Variants in UBE2D3 observed in about 807,000 individuals in gnomAD.
The protein encoded by UBE2D3 is ubiquitin-conjugating enzyme E2 D3.
A neutral mutation model predicts 22.8 loss-of-function variants in UBE2D3; 2 were observed. That is an observed-to-expected ratio of 0.09 (90% confidence interval 0.04 to 0.28). UBE2D3 has a LOEUF of 0.28. Among genes scored for constraint, UBE2D3 ranks in the 10% least tolerant of loss-of-function variants. The probability of loss-of-function intolerance (pLI) is 1.00; values close to 1 mark genes in which losing one functional copy is unlikely to be tolerated. For synonymous variants in UBE2D3, 56 were observed against 60.4 expected (o/e 0.93, Z 0.34); for missense variants, 27 against 182.5 (o/e 0.15, Z 4.91).
intron 1 of UBE2D3, among the ~76,000 whole-genome samples, chr4:102,866,045 T>C (rs1030716945): frequency 6.6e-6 from 1 of 152,226 alleles, no homozygotes; most frequent in African/African-American, 2.4e-5. Context: ...AAGGCAGGGT[T>C]GTGGAAATGA....
chr4:102,822,747 A>C (rs1729814184), intron 2 of UBE2D3, among the ~76,000 whole-genome samples: 1 of 152,250 alleles, frequency 6.6e-6, no homozygotes, highest in Non-Finnish European at 1.5e-5. Context: ...CATCCTGGTT[A>C]ACACGGTGAA....
upstream of UBE2D3, among the ~76,000 whole-genome samples, chr4:102,829,226 T>C (rs774953394): frequency 2.0e-5 from 3 of 152,142 alleles, no homozygotes; most frequent in African/African-American, 4.8e-5. Context: ...TCCCAGGTGA[T>C]ACAGATTTTT....
intron 1 of UBE2D3, among the ~76,000 whole-genome samples, chr4:102,850,926 T>G (rs1732309255): frequency 6.8e-6 from 1 of 146,812 alleles, no homozygotes; most frequent in Non-Finnish European, 1.5e-5. Context: ...CTTGGGAACT[T>G]TGTTGGGGGC....
At chr4:102,817,428 T>A (rs1366542397) in intron 2 of UBE2D3, among the ~76,000 whole-genome samples, 1 of 152,144 alleles carries the variant, frequency 6.6e-6, no homozygotes. Context: ...TGTTTTACAG[T>A]TGAGTCCCTT....
chr4:102,836,551 G>C (rs1731418308), intron 1 of UBE2D3, among the ~76,000 whole-genome samples: 1 of 152,150 alleles, frequency 6.6e-6, no homozygotes. Flanking sequence ...GCTTAGGAGT[G>C]GAATAGCTAG....
intron 1 of UBE2D3, among the ~76,000 whole-genome samples, chr4:102,860,859 G>C (rs558601772): frequency 6.6e-6 from 1 of 151,830 alleles, no homozygotes; most frequent in Non-Finnish European, 1.5e-5. Context: ...GGGTGTGCTT[G>C]TCAGTTGAGG....
chr4:102,836,448 C>T (rs1304207750), intron 1 of UBE2D3, among the ~76,000 whole-genome samples: 1 of 152,096 alleles, frequency 6.6e-6, no homozygotes, highest in Non-Finnish European at 1.5e-5. Context: ...CGCCTAGCCT[C>T]TTCCAATTTT....
intron 2 of UBE2D3, among the ~76,000 whole-genome samples, chr4:102,824,347 G>T (rs1476242345): frequency 6.6e-6 from 1 of 152,170 alleles, no homozygotes; most frequent in Admixed American, 6.5e-5. Context: ...GTAATAACTA[G>T]GAGTGTCATG....
chr4:102,811,655 G>C lies in UBE2D3; in HGVS notation c.25-1800C>G, dbSNP rs1262325623. 3 of 349,796 alleles carry C rather than the reference G, an allele frequency of 8.6e-6. No homozygotes were observed. The East Asian group carries it at 2.7e-4, about 32-fold the overall frequency. The allele number at this position is 349,796 out of a possible 1,614,324, so 21.7% of individuals were successfully genotyped here. Reference sequence around the variant, plus strand: ...CCACTGCACTCCAGCCTGGGGAAAAGAGTGAGACTGTCTCAAAAACAACAA... The same window carrying C: ...CCACTGCACTCCAGCCTGGGGAAAACAGTGAGACTGTCTCAAAAACAACAA... On this transcript the variant is annotated intron_variant, in intron 2 of 7. Coordinates refer to ENST00000453744, the MANE Select transcript of UBE2D3 (RefSeq NM_181891.3).
At chr4:102,845,054 C>T (rs560331240) in intron 1 of UBE2D3, among the ~76,000 whole-genome samples, 1 of 148,418 alleles carries the variant, frequency 6.7e-6, no homozygotes, top group Non-Finnish European at 1.5e-5. Context: ...TTCTACCCAG[C>T]CTGGCCAATA....
chr4:102,844,108 T>C (rs961637965), intron 1 of UBE2D3: 34 of 152,224 alleles, frequency 2.2e-4, no homozygotes, highest in African/African-American at 8.2e-4. Context: ...CATTCTTCAC[T>C]AGCCATCTGG....
At chr4:102,819,150 G>C (rs1387100463) in intron 2 of UBE2D3, among the ~76,000 whole-genome samples, 2 of 152,048 alleles carry the variant, frequency 1.3e-5, no homozygotes, top group Non-Finnish European at 1.5e-5. Flanking sequence ...GGCCAACATC[G>C]TGAAATCCCA....
chr4:102,819,510 C>T (rs1200565353), intron 2 of UBE2D3: 2 of 954,308 alleles, frequency 2.1e-6, no homozygotes, highest in African/African-American at 1.8e-5. Context: ...CAGCCAGTAT[C>T]TGTTCATCAG....
At chr4:102,840,353 G>C (rs577416523) in intron 1 of UBE2D3, among the ~76,000 whole-genome samples, 1 of 152,230 alleles carries the variant, frequency 6.6e-6, no homozygotes, top group Non-Finnish European at 1.5e-5. Context: ...TAAAGAAAAT[G>C]TGTTACCTAT....
chr4:102,831,559 A>ATATGTGTGTATAATAATAAT (rs1731117705), upstream of UBE2D3, among the ~76,000 whole-genome samples: 1 of 152,278 alleles, frequency 6.6e-6, no homozygotes, highest in African/African-American at 2.4e-5. Flanking sequence ...TGTATAATGG[A>ATATGTGTGTATAATAATAAT]ATATTATTAT....
chr4:102,856,811 G>A (rs1234846440), intron 1 of UBE2D3, among the ~76,000 whole-genome samples: 1 of 152,096 alleles, frequency 6.6e-6, no homozygotes, highest in Non-Finnish European at 1.5e-5. Flanking sequence ...CCCTACTCCA[G>A]AGATTGAGGT....
At chr4:102,805,926 T>C (rs1726961669) in intron 4 of UBE2D3, among the ~76,000 whole-genome samples, 1 of 152,190 alleles carries the variant, frequency 6.6e-6, no homozygotes, top group South Asian at 2.1e-4. Context: ...TCCTCTCTTA[T>C]CTCAGAATCA....
At chr4:102,825,945 A>T in intron 2 of UBE2D3, 1 of 357,084 alleles carries the variant, frequency 2.8e-6, no homozygotes, top group Middle Eastern at 4.5e-4. Flanking sequence ...GAGTCGACTA[A>T]GAGTTTCTAC....
chr4:102,865,320 C>T (rs767275571), intron 1 of UBE2D3, among the ~76,000 whole-genome samples: 3 of 151,822 alleles, frequency 2.0e-5, no homozygotes, highest in Non-Finnish European at 4.4e-5. Flanking sequence ...GGTGAAACCT[C>T]GTCTCTACTA....
Sources: gnomAD v4.1 joint callset for allele counts (sites outside exome capture counted in the v4.1 genomes callset) on GRCh38, gnomAD v4.1.1 for gene constraint, MANE v1.5 for transcripts, NCBI Gene and HGNC (gene_info 2026-07-23, HGNC 2026-07-21) for gene names.